The following SLC8A1 variants were observed in gnomAD, a reference collection of about 807,000 sequenced individuals.
SLC8A1 encodes sodium/calcium exchanger 1.
A neutral mutation model predicts 68.3 loss-of-function variants in SLC8A1; 18 were observed. The ratio of observed to expected loss-of-function variants is 0.26; its 90% CI spans 0.18 to 0.39. The LOEUF (loss-of-function observed/expected upper bound fraction) is 0.39. Ranked by LOEUF, SLC8A1 falls within the 10% of genes least tolerant of loss-of-function variation. SLC8A1 has a pLI of 1.00. For missense variants in SLC8A1, 985 were observed against 1,156.7 expected (o/e 0.85, Z 2.15); for synonymous variants, 475 against 415.5 (o/e 1.14, Z -1.74).
chr2:40,429,391 T>A, exon 2 of SLC8A1: 2 of 1,613,936 alleles, frequency 1.2e-6, no homozygotes, highest in Non-Finnish European at 1.7e-6. Flanking sequence ...AACATGAGAA[T>A]TGACCACTTT....
At chr2:40,358,531 A>T (rs1271152030) in intron 2 of SLC8A1, among the ~76,000 whole-genome samples, 1 of 152,204 alleles carries the variant, frequency 6.6e-6, no homozygotes, top group East Asian at 1.9e-4. Flanking sequence ...TTAATTTTAA[A>T]ACCTAATCCA....
intron 2 of SLC8A1, among the ~76,000 whole-genome samples, chr2:40,352,369 C>T (rs959786039): frequency 6.6e-6 from 1 of 152,118 alleles, no homozygotes; most frequent in Admixed American, 6.5e-5. Context: ...TTGATTTCAA[C>T]CAATGTCTCA....
exon 8 of SLC8A1, chr2:40,114,082 A>G (rs1300608768): frequency 6.5e-6 from 1 of 152,762 alleles, no homozygotes; most frequent in East Asian, 1.9e-4. Context: ...ATGTCCAATC[A>G]ACATTGCCAA....
intron 2 of SLC8A1, among the ~76,000 whole-genome samples, chr2:40,238,477 C>T (rs544702074): frequency 8.5e-4 from 129 of 152,160 alleles, no homozygotes; most frequent in African/African-American, 1.6e-3. Context: ...ACACGGTGCG[C>T]GCACCCACTG....
At chr2:40,265,725 C>T (rs944749413) in intron 2 of SLC8A1, among the ~76,000 whole-genome samples, 4 of 152,150 alleles carry the variant, frequency 2.6e-5, no homozygotes, top group Non-Finnish European at 5.9e-5. Context: ...CTTGGAGCTG[C>T]TGCTTAGATG....
chr2:40,463,077 A>T (rs1405808146), intron 1 of SLC8A1, among the ~76,000 whole-genome samples: 4 of 152,212 alleles, frequency 2.6e-5, no homozygotes, highest in African/African-American at 9.6e-5. Flanking sequence ...TTAGTTTTTA[A>T]TTAACATTGT....
At chr2:40,395,375 A>G (rs1450958023) in intron 2 of SLC8A1, among the ~76,000 whole-genome samples, 2 of 152,268 alleles carry the variant, frequency 1.3e-5, no homozygotes, top group Admixed American at 6.5e-5. Context: ...ATACCTATCT[A>G]GAACTGTGTG....
chr2:40,394,191 G>T (rs143561761), intron 2 of SLC8A1, among the ~76,000 whole-genome samples: 14 of 152,054 alleles, frequency 9.2e-5, no homozygotes, highest in Non-Finnish European at 1.9e-4. Flanking sequence ...AGCTTAAGTT[G>T]AGAAACCCTG....
At chr2:40,357,483 C>A (rs1466001997) in intron 2 of SLC8A1, among the ~76,000 whole-genome samples, 1 of 138,072 alleles carries the variant, frequency 7.2e-6, no homozygotes, top group African/African-American at 2.7e-5. Flanking sequence ...GGCAACAGAG[C>A]CAGACCCTGT....
chr2:40,273,166 C>T (rs949650545), intron 2 of SLC8A1, among the ~76,000 whole-genome samples: 16 of 152,212 alleles, frequency 1.1e-4, no homozygotes, highest in Admixed American at 9.2e-4. Flanking sequence ...TGGTCTCGAA[C>T]TCCTGACCTC....
intron 2 of SLC8A1, among the ~76,000 whole-genome samples, chr2:40,427,461 C>T (rs531617367): frequency 3.9e-5 from 6 of 152,172 alleles, no homozygotes; most frequent in East Asian, 1.9e-4. Flanking sequence ...ATTTTAACGT[C>T]GTTTGTTGTA....
intron 1 of SLC8A1, among the ~76,000 whole-genome samples, chr2:40,474,674 T>G (rs964807098): frequency 1.3e-5 from 2 of 152,214 alleles, no homozygotes; most frequent in Non-Finnish European, 2.9e-5. Context: ...TTACTTAATC[T>G]TACAAGCCCT....
intron 2 of SLC8A1, among the ~76,000 whole-genome samples, chr2:40,325,309 G>C (rs1025027063): frequency 6.6e-6 from 1 of 152,134 alleles, no homozygotes; most frequent in African/African-American, 2.4e-5. Flanking sequence ...GGAAGAGAAT[G>C]TTTCTTGAGA....
Position 40,489,786 on chromosome 2 carries a change from G to T in SLC8A1, c.-25+22563C>A, listed in dbSNP as rs1341169578. Among the ~76,000 whole-genome samples, 3 of 152,002 alleles carry T rather than the reference G, an allele frequency of 2.0e-5. No homozygotes were observed. The East Asian group carries it at 5.8e-4, about 30-fold the overall frequency. ...TTCTTGACCACATTCCCTGGGGTTAGTCTCTGAGCATGGGAAAGGATCAGA... is the reference window on the plus strand; with the variant it reads ...TTCTTGACCACATTCCCTGGGGTTATTCTCTGAGCATGGGAAAGGATCAGA... On this transcript the variant is annotated intron_variant, in intron 1 of 7. Coordinates refer to the SLC8A1 transcript ENST00000402441.
At chr2:40,223,438 C>A (rs541868926) in intron 2 of SLC8A1, among the ~76,000 whole-genome samples, 1 of 152,104 alleles carries the variant, frequency 6.6e-6, no homozygotes, top group East Asian at 1.9e-4. Flanking sequence ...ATGGGTACAG[C>A]AAACCGTCAT....
At chr2:40,347,914 A>G (rs1669862754) in intron 2 of SLC8A1, among the ~76,000 whole-genome samples, 1 of 152,218 alleles carries the variant, frequency 6.6e-6, no homozygotes, top group South Asian at 2.1e-4. Flanking sequence ...TACGGTCTAC[A>G]CATTCTTTTC....
intron 1 of SLC8A1, among the ~76,000 whole-genome samples, chr2:40,502,339 T>C (rs1706106560): frequency 6.6e-6 from 1 of 152,068 alleles, no homozygotes; most frequent in South Asian, 2.1e-4. Context: ...ATGGTCTGGT[T>C]TTCAACCTCT....
intron 2 of SLC8A1, among the ~76,000 whole-genome samples, chr2:40,313,449 T>C (rs1271523669): frequency 6.6e-6 from 1 of 152,082 alleles, no homozygotes; most frequent in Non-Finnish European, 1.5e-5. Flanking sequence ...CTGGATTATA[T>C]GATAAGTGTA....
intron 2 of SLC8A1, among the ~76,000 whole-genome samples, chr2:40,406,782 C>T (rs529824035): frequency 2.0e-5 from 3 of 152,254 alleles, no homozygotes; most frequent in South Asian, 2.1e-4. Flanking sequence ...ATTTGTTTCA[C>T]GTAAAAGCAA....
Sources: gnomAD v4.1 joint callset for allele counts (sites outside exome capture counted in the v4.1 genomes callset) on GRCh38, gnomAD v4.1.1 for gene constraint, MANE v1.5 for transcripts, NCBI Gene and HGNC (gene_info 2026-07-23, HGNC 2026-07-21) for gene names.